Variants in DNM1L observed in about 807,000 individuals in gnomAD.
The protein encoded by DNM1L is dynamin-1-like protein.
DNM1L carries 33 observed loss-of-function variants against 92.8 expected under a neutral mutation model. The observed-to-expected ratio is 0.36, with a 90% CI of 0.27 to 0.48. The LOEUF (loss-of-function observed/expected upper bound fraction) is 0.48. Among genes scored for constraint, DNM1L ranks in the 20% least tolerant of loss-of-function variants. The probability of loss-of-function intolerance (pLI) is 0.99; values close to 1 mark genes in which losing one functional copy is unlikely to be tolerated. For missense variants in DNM1L, 485 were observed against 888.8 expected, an observed-to-expected ratio of 0.55 and a Z score of 5.78; for synonymous variants, 284 against 305.0, an observed-to-expected ratio of 0.93 and a Z score of 0.72.
chr12:32,682,162 C>T (rs1162976019), intron 1 of DNM1L, among the ~76,000 whole-genome samples: 1 of 150,452 alleles, frequency 6.6e-6, no homozygotes, highest in Non-Finnish European at 1.5e-5. Flanking sequence ...GACCGAGTTT[C>T]GCTCTTGTTG....
At chr12:32,727,189 T>C in intron 9 of DNM1L, 2 of 947,886 alleles carry the variant, frequency 2.1e-6, no homozygotes, top group Non-Finnish European at 3.5e-6. Context: ...GGTTCATAAA[T>C]TGTATTAGTA....
chr12:32,743,974 AG>A lies in DNM1L; in HGVS notation c.*566del, dbSNP rs1373035859. The A allele has an allele frequency of 1.3e-5, 2 of 156,582 alleles. No individual in the cohort carries two copies. Among genetic ancestry groups the A allele is most frequent in the Non-Finnish European group, 2.8e-5 (2 of 70,626 alleles). 9.7% of individuals were successfully genotyped at this position (156,582 alleles called of 1,614,324 possible). A position where few individuals can be genotyped will look rare whatever the true frequency, so the allele number is the denominator to read the frequency against. On this transcript the variant is annotated 3_prime_UTR_variant, in exon 20 of 20. Transcript: ENST00000549701. The stretch of plus-strand genomic sequence containing the variant: ...TTTTTAAGAAAGCTGAATGCACAAG[AG>A]GATCTGTGACACTGACATGGCTGTG...
chr12:32,728,551 A>G (rs1954311553), intron 9 of DNM1L: 1 of 152,224 alleles, frequency 6.6e-6, no homozygotes, highest in Admixed American at 6.5e-5. Flanking sequence ...CCACCTAATC[A>G]AGCGTTTCAG....
At chr12:32,701,670 T>C in intron 2 of DNM1L, 108 bp downstream of exon 2, 2 of 987,602 alleles carry the variant, frequency 2.0e-6, no homozygotes, top group Admixed American at 3.9e-5. Context: ...GTAGCATAGT[T>C]AGAAGTCCTG....
At chr12:32,683,049 C>T (rs1441265548) in intron 1 of DNM1L, among the ~76,000 whole-genome samples, 1 of 152,030 alleles carries the variant, frequency 6.6e-6, no homozygotes, top group Non-Finnish European at 1.5e-5. Context: ...AAGGGGAGCC[C>T]TCCAGGTATG....
In DNM1L at chr12:32,714,473, C is replaced by T. The variant is rs985923175; in HGVS notation, c.619+1102C>T. Among the ~76,000 whole-genome samples, 6 of 151,594 alleles carry T rather than the reference C, an allele frequency of 4.0e-5. No homozygotes were observed. The South Asian group carries it at 6.3e-4, about 16-fold the overall frequency. ...ATTTTTAGTAGAGACGGGGTTTCAC[C>T]GTGTTAGCCAGGATGGTCTCGATCT... On this transcript the variant is annotated intron_variant, in intron 6 of 19. Transcript: ENST00000549701.
chr12:32,710,632 AAAG>A (rs1384860646), intron 4 of DNM1L, among the ~76,000 whole-genome samples: 1 of 148,632 alleles, frequency 6.7e-6, no homozygotes, highest in Non-Finnish European at 1.5e-5. Context: ...AAAAAAAAAA[AAAG>A]AAAGCAAAGG....
rs186924959 is a variant in DNM1L, at chr12:32,701,190, C to T, written c.103-225C>T. Among the ~76,000 whole-genome samples the T allele has an allele frequency of 3.7e-3, 569 of 151,824 alleles. 2 individuals carry two copies. Among genetic ancestry groups the T allele is most frequent in the African/African-American group, 0.013 (531 of 41,410 alleles). The stretch of plus-strand genomic sequence containing the variant: ...ACTTGGGAGGTTGAGGCAGGAGAAT[C>T]GCTTGAACCCGGGAGGCGGAGGTTG... On this transcript the variant is annotated intron_variant, in intron 1 of 19. Coordinates refer to ENST00000549701, the MANE Select transcript of DNM1L (RefSeq NM_012062.5).
At chr12:32,712,285 G>A (rs940094994) in intron 5 of DNM1L, among the ~76,000 whole-genome samples, 3 of 152,132 alleles carry the variant, frequency 2.0e-5, no homozygotes, top group South Asian at 2.1e-4. Context: ...TACTTGTTAC[G>A]TCCCTATTCT....
At chr12:32,693,816 T>A (rs1237113022) in intron 1 of DNM1L, among the ~76,000 whole-genome samples, 2 of 152,112 alleles carry the variant, frequency 1.3e-5, no homozygotes, top group African/African-American at 4.8e-5. Context: ...TTTTTTATTT[T>A]TTGTAAAGAT....
chr12:32,704,944 T>A (rs1952861470), intron 2 of DNM1L, among the ~76,000 whole-genome samples: 1 of 152,028 alleles, frequency 6.6e-6, no homozygotes, highest in South Asian at 2.1e-4. Flanking sequence ...TGTAGATTTT[T>A]AAAAATCAGG....
rs181660970 is a variant in DNM1L at position 32,732,146 on chromosome 12, C to G, written c.1446+203C>G. ...AATTCTGGTATAAAGTGCATTTTTT[C>G]TTCATATTTTAATCATTGTTAGCCT... On this transcript the variant is annotated intron_variant, in intron 12 of 19. Coordinates refer to ENST00000549701, the MANE Select transcript of DNM1L (RefSeq NM_012062.5). 0.015 allele frequency among the ~76,000 whole-genome samples: 2,310 copies of G among 152,074 alleles called. 31 individuals carry two copies. Among genetic ancestry groups the G allele is most frequent in the Middle Eastern group, 0.048 (14 of 292 alleles).
chr12:32,740,121 T>C lies in DNM1L; in HGVS notation c.1765T>C (p.Trp589Arg). ...DGVQEPTTGN[W>R]RGMLKTSKAE... ...TGTTCAAGAACCAACCACAGGCAAC[T>C]GGAGAGGAATGCTGAAAACTTCAAA... The change falls in exon 17 of 20, where the codon TGG (tryptophan) becomes CGG (arginine). Residue 589 changes from tryptophan to arginine, a missense_variant. Physicochemically the swap from Trp to Arg is moderately radical, Grantham distance 101 (BLOSUM62 -3). Coordinates refer to ENST00000549701, the MANE Select transcript of DNM1L (RefSeq NM_012062.5). 2 of 1,614,158 alleles carry C rather than the reference T, an allele frequency of 1.2e-6. No homozygotes were observed. The highest frequency in any genetic ancestry group is 1.1e-5 in the South Asian group (1 of 91,082).
Position 32,743,453 on chromosome 12 carries a change from C to CTAGT in DNM1L, c.*46_*49dup. On this transcript the variant is annotated 3_prime_UTR_variant, in exon 20 of 20. Coordinates refer to ENST00000549701, the MANE Select transcript of DNM1L (RefSeq NM_012062.5). Reference sequence around the variant, plus strand: ...TGAGACTTTGTTGACTCAAAACTTGCTAGTTACTGCCTACCTGAGTAGAAT... The same window carrying CTAGT: ...TGAGACTTTGTTGACTCAAAACTTGCTAGTTAGTTACTGCCTACCTGAGTAGAAT... 1 of 1,571,996 alleles carries CTAGT rather than the reference C, an allele frequency of 6.4e-7. No individual in the cohort carries two copies. Among genetic ancestry groups the CTAGT allele is most frequent in the Admixed American group, 1.7e-5 (1 of 59,912 alleles).
intron 9 of DNM1L, chr12:32,727,625 C>T (rs985787853): frequency 5.4e-6 from 2 of 370,166 alleles, no homozygotes; most frequent in Non-Finnish European, 9.7e-6. Context: ...CACATAGATG[C>T]CTATACTACA....
At chr12:32,702,261 A>G (rs1216384286) in intron 2 of DNM1L, among the ~76,000 whole-genome samples, 1 of 151,314 alleles carries the variant, frequency 6.6e-6, no homozygotes, top group African/African-American at 2.4e-5. Flanking sequence ...AAAAGAAGAA[A>G]ATAGGCATTG....
In DNM1L at chr12:32,733,727, G is replaced by C. The variant is rs771442203; in HGVS notation, c.1459G>C (p.Val487Leu). 2 of 1,613,794 alleles carry C rather than the reference G, an allele frequency of 1.2e-6. No individual in the cohort carries two copies. The highest frequency in any genetic ancestry group is 1.7e-6 in the Non-Finnish European group (2 of 1,179,880). ...ACTTTTTTTCTAGGTCCATAACTTA[G>C]TGGCAATTGAACTGGCTTATATCAA... is the stretch of plus-strand genomic sequence containing the variant. ...PVTNEMVHNLVAIELAYINTK... is the reference protein window; with the variant it reads ...PVTNEMVHNLLAIELAYINTK... The change falls in exon 13 of 20, where the codon GTG becomes CTG. Residue 487 changes from valine to leucine, a missense_variant. Coordinates refer to ENST00000549701, the MANE Select transcript of DNM1L (RefSeq NM_012062.5).
At chr12:32,720,942 T>C (rs976885274) in intron 8 of DNM1L, 147 bp downstream of exon 8, 2 of 973,632 alleles carry the variant, frequency 2.1e-6, no homozygotes, top group African/African-American at 3.3e-5. Context: ...GAAGAGTAGA[T>C]GTCTCTGTTT....
chr12:32,690,399 G>A (rs768558836), intron 1 of DNM1L, among the ~76,000 whole-genome samples: 4 of 152,166 alleles, frequency 2.6e-5, no homozygotes, highest in Admixed American at 1.3e-4. Flanking sequence ...TTTGAATAAT[G>A]CCTGCTTTAG....
Sources: gnomAD v4.1 joint callset for allele counts (sites outside exome capture counted in the v4.1 genomes callset) on GRCh38, gnomAD v4.1.1 for gene constraint, MANE v1.5 for transcripts, NCBI Gene and HGNC (gene_info 2026-07-23, HGNC 2026-07-21) for gene names.